HERC4: variants seen among roughly 807,000 people sequenced by gnomAD.
HERC4 encodes HECT and RLD domain containing E3 ubiquitin protein ligase 4.
HERC4 carries 28 observed loss-of-function variants against 124.3 expected under a neutral mutation model. The ratio of observed to expected loss-of-function variants is 0.23; its 90% CI spans 0.17 to 0.31. HERC4 has a LOEUF of 0.31. Among genes scored for constraint, HERC4 ranks in the 10% least tolerant of loss-of-function variants. The pLI is 1.00. For missense variants in HERC4, 713 were observed against 1,229.3 expected (o/e 0.58, Z 6.28); for synonymous variants, 407 against 421.5 (o/e 0.97, Z 0.42).
chr10:67,967,047 A>G (rs546055934), intron 15 of HERC4, among the ~76,000 whole-genome samples: 144 of 152,166 alleles, frequency 9.5e-4, no homozygotes, highest in South Asian at 2.1e-3. Flanking sequence ...GTAGAGACGG[A>G]GTTTCATCGT....
chr10:67,970,698 CAG>C (rs1051149384), intron 15 of HERC4, among the ~76,000 whole-genome samples: 4 of 150,996 alleles, frequency 2.6e-5, no homozygotes, highest in African/African-American at 9.7e-5. Flanking sequence ...AGCTAGGAAA[CAG>C]GGGCTTTAGG....
intron 3 of HERC4, among the ~76,000 whole-genome samples, chr10:68,066,894 C>T (rs1200308450): frequency 6.6e-6 from 1 of 152,106 alleles, no homozygotes; most frequent in African/African-American, 2.4e-5. Context: ...ATTTAACAGG[C>T]CATCAAATCG....
intron 22 of HERC4, among the ~76,000 whole-genome samples, chr10:67,933,959 C>G (rs1298443320): frequency 6.6e-6 from 1 of 152,168 alleles, no homozygotes; most frequent in Non-Finnish European, 1.5e-5. Context: ...CTGGCAACAG[C>G]CACTATTAAA....
chr10:67,989,222 A>T (rs1252694378), intron 14 of HERC4, among the ~76,000 whole-genome samples: 3 of 152,082 alleles, frequency 2.0e-5, no homozygotes, highest in Non-Finnish European at 4.4e-5. Context: ...ATACTAAAGG[A>T]TCTTTCTAAC....
intron 16 of HERC4, among the ~76,000 whole-genome samples, chr10:67,957,596 T>G (rs751293636): frequency 5.3e-5 from 8 of 152,306 alleles, no homozygotes; most frequent in Non-Finnish European, 7.3e-5. Flanking sequence ...TGCTAAGTAT[T>G]TTAATAGTGC....
chr10:68,059,554 T>TATATCATAATATTATATATCATA (rs2040769658), intron 3 of HERC4, among the ~76,000 whole-genome samples: 2 of 97,616 alleles, frequency 2.0e-5, no homozygotes, highest in South Asian at 6.9e-4. Flanking sequence ...TATATCATAA[T>TATATCATAATATTATATATCATA]ATATATCATA....
chr10:68,051,489 C>T (rs964595334), intron 3 of HERC4, among the ~76,000 whole-genome samples: 2 of 150,758 alleles, frequency 1.3e-5, no homozygotes, highest in South Asian at 2.1e-4. Context: ...GGACTACAAG[C>T]GCCCGCCACC....
At chr10:68,005,994 C>T (rs557303180) in intron 9 of HERC4, among the ~76,000 whole-genome samples, 1 of 152,326 alleles carries the variant, frequency 6.6e-6, no homozygotes, top group African/African-American at 2.4e-5. Flanking sequence ...TTGCAAACAA[C>T]ATCTTAACTG....
chr10:68,049,097 T>A (rs2040156862), intron 3 of HERC4, among the ~76,000 whole-genome samples: 1 of 151,882 alleles, frequency 6.6e-6, no homozygotes, highest in African/African-American at 2.4e-5. Flanking sequence ...ATATATATAT[T>A]TGCAGCACTA....
chr10:67,948,506 T>TA (rs2033555810), intron 19 of HERC4, among the ~76,000 whole-genome samples: 1 of 151,772 alleles, frequency 6.6e-6, no homozygotes, highest in Non-Finnish European at 1.5e-5. Flanking sequence ...ATAGCCATAA[T>TA]AAAAAAATAA....
chr10:67,953,079 T>C (rs573638798), intron 19 of HERC4, among the ~76,000 whole-genome samples: 2 of 152,092 alleles, frequency 1.3e-5, no homozygotes, highest in Non-Finnish European at 2.9e-5. Context: ...TAAAGGAGGA[T>C]AGCCCATACA....
chr10:68,024,577 A>C (rs1006196392), intron 8 of HERC4, among the ~76,000 whole-genome samples: 1 of 152,170 alleles, frequency 6.6e-6, no homozygotes, highest in Non-Finnish European at 1.5e-5. Flanking sequence ...ATGATGGAGA[A>C]CCATAACTAC....
At chr10:67,929,136 G>A (rs1012784160) in intron 23 of HERC4, among the ~76,000 whole-genome samples, 1 of 151,910 alleles carries the variant, frequency 6.6e-6, no homozygotes, top group Non-Finnish European at 1.5e-5. Context: ...TTTTGGGAGG[G>A]AGCAGACATG....
At chr10:68,065,586 A>T (rs1254098375) in intron 3 of HERC4, among the ~76,000 whole-genome samples, 2 of 152,122 alleles carry the variant, frequency 1.3e-5, no homozygotes, top group African/African-American at 2.4e-5. Context: ...AACAAACTCT[A>T]ATAAGGCCTG....
chr10:67,925,230 G>A (rs767195481), intron 23 of HERC4, 43 bp from the exon 24 acceptor site: 2 of 1,102,542 alleles, frequency 1.8e-6, no homozygotes, highest in African/African-American at 1.6e-5. Context: ...GGGACACACT[G>A]GCTAATATAT....
chr10:68,059,657 CAT>C (rs1476936334), intron 3 of HERC4, among the ~76,000 whole-genome samples: 1 of 36,856 alleles, frequency 2.7e-5, no homozygotes, highest in Non-Finnish European at 3.7e-5. Context: ...TATTATATAT[CAT>C]ATTATATATT....
At chr10:68,047,261 TCA>T (rs2040061856) in intron 3 of HERC4, among the ~76,000 whole-genome samples, 4 of 150,190 alleles carry the variant, frequency 2.7e-5, no homozygotes, top group East Asian at 3.9e-4. Flanking sequence ...AACCAAAAGT[TCA>T]CAGAGAAAGA....
Position 68,039,440 on chromosome 10 carries a change from G to A in HERC4, c.387-1271C>T, listed in dbSNP as rs774574081. 32 of 1,550,698 alleles carry A rather than the reference G, an allele frequency of 2.1e-5. No homozygotes were observed. In the South Asian group the frequency reaches 2.7e-4, roughly 13 times the overall value. ...ACCTGATTCTGCCATAAGAGAGTCC[G>A]GAGCAAATTCTGACCAGAGAGTCGA... On this transcript the variant is annotated intron_variant, in intron 4 of 24. Transcript: ENST00000373700.
Position 68,013,447 on chromosome 10 carries a change from CG to C in HERC4, c.1069+578del, listed in dbSNP as rs143747937. On this transcript the variant is annotated intron_variant, in intron 9 of 24. Transcript: ENST00000373700. ...CTACAACACAGATGAACCTTGAGGA[CG>C]TTATGCTTAGTGAAATAAGTGAGTC... Among the ~76,000 whole-genome samples the C allele has an allele frequency of 4.4e-3, 670 of 152,212 alleles. 5 individuals carry two copies. Among genetic ancestry groups the C allele is most frequent in the African/African-American group, 0.015 (633 of 41,532 alleles).
Sources: allele counts gnomAD v4.1 joint callset (sites outside exome capture counted in the v4.1 genomes callset), GRCh38; gene constraint gnomAD v4.1.1; transcripts MANE v1.5; gene names NCBI Gene and HGNC (gene_info 2026-07-23, HGNC 2026-07-21).